TPRG1: variants seen among roughly 807,000 people sequenced by gnomAD.
TPRG1 encodes the protein tumor protein p63 regulated 1.
In TPRG1, 29 loss-of-function variants were observed where a neutral mutation model predicts 29.3. That is an observed-to-expected ratio of 0.99 (90% confidence interval 0.74 to 1.35). The LOEUF is 1.35. Among genes scored for constraint, TPRG1 ranks in the 40% most tolerant of loss-of-function variants. The pLI is 0.00. For synonymous variants in TPRG1, 130 were observed against 116.8 expected (o/e 1.11, Z -0.73); for missense variants, 327 against 335.0 (o/e 0.98, Z 0.19).
intron 1 of TPRG1, among the ~76,000 whole-genome samples, chr3:189,113,447 C>A (rs1051633527): frequency 2.0e-5 from 3 of 152,106 alleles, no homozygotes; most frequent in Non-Finnish European, 4.4e-5. Flanking sequence ...GCATCCCTGT[C>A]TTGTGCCAGT....
chr3:189,197,957 G>A (rs16864071), intron 1 of TPRG1, among the ~76,000 whole-genome samples: 2,431 of 152,280 alleles, frequency 0.016, 69 homozygotes, highest in African/African-American at 0.056. Context: ...ACAGTGCCAA[G>A]GCCAGAATGT....
rs572089561 is a variant in TPRG1 at position 189,019,238 on chromosome 3, A to G, written c.-659-4512A>G. Among the ~76,000 whole-genome samples, 839 of 151,794 alleles carry G rather than the reference A, an allele frequency of 5.5e-3. 3 individuals are homozygous for G. Among genetic ancestry groups the G allele is most frequent in the Non-Finnish European group, 9.8e-3 (666 of 67,890 alleles). ...TACCCTTTATTTCCTTCTCCTGCCT[A>G]ATTGCCCTGGCCAGAACTTCCAACA... On this transcript the variant is annotated intron_variant, in intron 3 of 10. Coordinates refer to the TPRG1 transcript ENST00000433971.
chr3:189,125,946 T>C (rs1449902411), intron 1 of TPRG1, among the ~76,000 whole-genome samples: 2 of 151,538 alleles, frequency 1.3e-5, no homozygotes, highest in Non-Finnish European at 2.9e-5. Flanking sequence ...AACATCACCC[T>C]GATGGCACTC....
intron 4 of TPRG1, among the ~76,000 whole-genome samples, chr3:189,082,063 G>A (rs539753400): frequency 2.6e-5 from 4 of 152,228 alleles, no homozygotes; most frequent in Admixed American, 2.6e-4. Flanking sequence ...TGTCTGAGGT[G>A]GAACAAGATA....
At chr3:189,044,961 TG>T (rs931097216) in intron 4 of TPRG1, among the ~76,000 whole-genome samples, 3 of 152,230 alleles carry the variant, frequency 2.0e-5, no homozygotes, top group African/African-American at 7.2e-5. Flanking sequence ...ATGCTTATCC[TG>T]GGTGAAGAAA....
chr3:189,140,392 G>A (rs1459002679), intron 3 of TPRG1, among the ~76,000 whole-genome samples: 2 of 152,032 alleles, frequency 1.3e-5, no homozygotes, highest in Non-Finnish European at 1.5e-5. Flanking sequence ...TGGAGTGGAC[G>A]AAGTGTACCC....
intron 4 of TPRG1, among the ~76,000 whole-genome samples, chr3:189,295,202 A>C (rs1484364502): frequency 4.6e-5 from 7 of 152,168 alleles, no homozygotes; most frequent in Non-Finnish European, 1.5e-5. Flanking sequence ...CTGTAATGAA[A>C]GCTTCTCCCC....
At chr3:189,163,890 A>C (rs1727806996) in intron 5 of TPRG1, among the ~76,000 whole-genome samples, 1 of 152,150 alleles carries the variant, frequency 6.6e-6, no homozygotes, top group Non-Finnish European at 1.5e-5. Context: ...CCCCGCCGAG[A>C]ATCATTCTGA....
chr3:189,274,662 A>G (rs1715794726), intron 4 of TPRG1, among the ~76,000 whole-genome samples: 1 of 152,082 alleles, frequency 6.6e-6, no homozygotes, highest in Non-Finnish European at 1.5e-5. Context: ...ACTGATTCAA[A>G]TTTTTGCAAA....
At chr3:189,126,962 C>G (rs1327871820) in intron 1 of TPRG1, 1 of 152,104 alleles carries the variant, frequency 6.6e-6, no homozygotes, top group Non-Finnish European at 1.5e-5. Flanking sequence ...AGACTTAAAT[C>G]CAGCAGGAAT....
intron 4 of TPRG1, among the ~76,000 whole-genome samples, chr3:189,071,067 G>GAAAAAAAAAAAAAAAAAAAAAA (rs74731300): frequency 1.3e-5 from 1 of 76,168 alleles, no homozygotes. Flanking sequence ...CAAAGAAAAA[G>GAAAAAAAAAAAAAAAAAAAAAA]AAAAAAAAAA....
chr3:189,099,747 A>C (rs1718969388), upstream of TPRG1, among the ~76,000 whole-genome samples: 1 of 152,144 alleles, frequency 6.6e-6, no homozygotes, highest in South Asian at 2.1e-4. Flanking sequence ...TGCCACCTCC[A>C]GACCCAGATT....
chr3:189,245,844 A>G (rs1055592844), intron 4 of TPRG1, among the ~76,000 whole-genome samples: 2 of 152,102 alleles, frequency 1.3e-5, no homozygotes, highest in Non-Finnish European at 2.9e-5. Context: ...TGAGTCTATT[A>G]TTAGGTGCAT....
Position 189,001,373 on chromosome 3 carries a change from A to G in TPRG1, c.-878+462A>G, listed in dbSNP as rs547722257. On this transcript the variant is annotated intron_variant, in intron 2 of 10. Coordinates refer to the TPRG1 transcript ENST00000433971. The stretch of plus-strand genomic sequence containing the variant: ...CATAAACTGGGGGCTTACAAATAGC[A>G]AACATTTATTTCTGAAGGCTGGGAA... Among the ~76,000 whole-genome samples, 67 of 152,314 alleles carry G rather than the reference A, an allele frequency of 4.4e-4. 2 individuals carry two copies. In the South Asian group the frequency reaches 0.013, roughly 30 times the overall value.
At chr3:189,306,599 T>G (rs1370981383) in intron 4 of TPRG1, among the ~76,000 whole-genome samples, 1 of 152,240 alleles carries the variant, frequency 6.6e-6, no homozygotes, top group East Asian at 1.9e-4. Context: ...GACTTGATGA[T>G]CTGATTAAGT....
At chr3:189,134,993 C>T (rs142223093) in intron 3 of TPRG1, among the ~76,000 whole-genome samples, 24 of 152,240 alleles carry the variant, frequency 1.6e-4, no homozygotes, top group African/African-American at 5.1e-4. Context: ...AATGGTTTTA[C>T]GGGGTCCCTG....
intron 3 of TPRG1, among the ~76,000 whole-genome samples, chr3:189,141,417 A>T (rs1724542934): frequency 2.0e-5 from 3 of 152,178 alleles, no homozygotes; most frequent in Non-Finnish European, 4.4e-5. Context: ...TGTGCCAGAC[A>T]CTGTGTTAGG....
intron 4 of TPRG1, among the ~76,000 whole-genome samples, chr3:189,093,777 T>C (rs948909901): frequency 6.6e-6 from 1 of 152,350 alleles, no homozygotes; most frequent in Non-Finnish European, 1.5e-5. Flanking sequence ...TGTTTTCCAC[T>C]GTTTGTAAAG....
chr3:189,064,913 C>G (rs7630747), intron 4 of TPRG1, among the ~76,000 whole-genome samples: 5,468 of 152,138 alleles, frequency 0.036, 326 homozygotes, highest in African/African-American at 0.13. Context: ...TCAAGGTTGG[C>G]CACAGTGGCT....
Sources: allele counts gnomAD v4.1 joint callset (sites outside exome capture counted in the v4.1 genomes callset), GRCh38; gene constraint gnomAD v4.1.1; transcripts MANE v1.5; gene names NCBI Gene and HGNC (gene_info 2026-07-23, HGNC 2026-07-21).